CFTR: variants seen among roughly 807,000 people sequenced by gnomAD.
CFTR encodes CF transmembrane conductance regulator, also known as cystic fibrosis transmembrane conductance regulator.
Under a neutral mutation model 171.6 loss-of-function variants are expected in CFTR, and 181 were observed. The observed-to-expected ratio is 1.05, with a 90% CI of 0.93 to 1.19. CFTR has a LOEUF of 1.19. Ranked by LOEUF, CFTR falls within the 50% of genes most tolerant of loss-of-function variation. The pLI is 0.00. For missense variants in CFTR, 1,968 were observed against 1,734.7 expected (o/e 1.13, Z -2.39); for synonymous variants, 583 against 608.0 (o/e 0.96, Z 0.60).
At position 117,611,766 on chromosome 7, in the gene CFTR, A is replaced by G. The variant is rs759394109; in HGVS notation, c.3325A>G (p.Ile1109Val). Residue 1109 changes from isoleucine to valine, a missense_variant, in exon 20 of 27, where the codon ATC (isoleucine) becomes GTC (valine). Physicochemically the swap from Ile to Val is conservative, Grantham distance 29. Coordinates refer to ENST00000003084, the MANE Select transcript of CFTR (RefSeq NM_000492.4). ...FQMRIEMIFV[I>V]FFIAVTFISI... is the part of the protein sequence containing the mutation. ...AATGAGAATAGAAATGATTTTTGTC[A>G]TCTTCTTCATTGCTGTTACCTTCAT... 1.9e-6 allele frequency: 3 copies of G among 1,613,218 alleles called. No homozygotes were observed. Among genetic ancestry groups the G allele is most frequent in the African/African-American group, 2.7e-5 (2 of 74,844 alleles).
intron 11 of CFTR, among the ~76,000 whole-genome samples, chr7:117,584,439 C>T (rs1335692276): frequency 6.6e-6 from 1 of 152,132 alleles, no homozygotes; most frequent in Non-Finnish European, 1.5e-5. Context: ...ATCCTGTCCC[C>T]ACTTTATGTT....
intron 14 of CFTR, among the ~76,000 whole-genome samples, chr7:117,593,685 T>A (rs976642634): frequency 2.0e-5 from 3 of 152,164 alleles, no homozygotes; most frequent in African/African-American, 7.2e-5. Context: ...AACCTCTGCC[T>A]CCTGGGTTCA....
intron 21 of CFTR, among the ~76,000 whole-genome samples, chr7:117,618,794 C>T (rs1470459990): frequency 6.6e-6 from 1 of 152,128 alleles, no homozygotes; most frequent in Non-Finnish European, 1.5e-5. Flanking sequence ...AAAAAGTCAT[C>T]TGAACATTGT....
intron 24 of CFTR, among the ~76,000 whole-genome samples, chr7:117,653,222 CT>C (rs1454179688): frequency 4.6e-5 from 7 of 152,174 alleles, no homozygotes; most frequent in Non-Finnish European, 8.8e-5. Flanking sequence ...ATGGAGTACC[CT>C]AAAATACCTG....
chr7:117,611,011 C>G (rs958228405), intron 19 of CFTR, among the ~76,000 whole-genome samples: 8 of 152,052 alleles, frequency 5.3e-5, no homozygotes, highest in African/African-American at 1.9e-4. Flanking sequence ...TCTGGGTTCC[C>G]AAATGATACT....
At position 117,637,674 on chromosome 7, in the gene CFTR, C is replaced by T. The variant is rs371729144; in HGVS notation, c.3718-4764C>T. On this transcript the variant is annotated intron_variant, in intron 22 of 26. Transcript: ENST00000003084. Reference sequence around the variant, plus strand: ...GGTGGATCACCTGAGGTCAGGAGTTCGAGACCAGCCTGGCCAACATGGTGA... The same window carrying T: ...GGTGGATCACCTGAGGTCAGGAGTTTGAGACCAGCCTGGCCAACATGGTGA... 2.0e-4 allele frequency among the ~76,000 whole-genome samples: 31 copies of T among 152,104 alleles called. No individual in the cohort carries two copies. In the South Asian group the frequency reaches 2.3e-3, roughly 11 times the overall value.
chr7:117,582,972 T>C (rs1043466876), intron 11 of CFTR, among the ~76,000 whole-genome samples: 1 of 152,140 alleles, frequency 6.6e-6, no homozygotes, highest in Non-Finnish European at 1.5e-5. Context: ...CTTATTCATA[T>C]GGGAAAGAAG....
At chr7:117,617,599 A>G (rs1189696704) in intron 21 of CFTR, among the ~76,000 whole-genome samples, 1 of 151,918 alleles carries the variant, frequency 6.6e-6, no homozygotes, top group African/African-American at 2.4e-5. Context: ...TAAAAAAAAA[A>G]ATTGATGCAA....
chr7:117,506,402 A>G (rs1208738255), intron 2 of CFTR, among the ~76,000 whole-genome samples: 1 of 152,030 alleles, frequency 6.6e-6, no homozygotes, highest in Non-Finnish European at 1.5e-5. Context: ...ACTCGCCACA[A>G]TGCCTGGCTA....
At chr7:117,646,553 T>TTAA (rs1158008751) in intron 23 of CFTR, among the ~76,000 whole-genome samples, 1 of 151,986 alleles carries the variant, frequency 6.6e-6, no homozygotes, top group Non-Finnish European at 1.5e-5. Context: ...GAAAAAGAAG[T>TTAA]TAATACTTGA....
Position 117,606,628 on chromosome 7 carries a change from A to T in CFTR, c.2909-46A>T, listed in dbSNP as rs780693450. 2.5e-5 allele frequency: 26 copies of T among 1,031,294 alleles called. No individual in the cohort carries two copies. In the East Asian group the frequency reaches 4.0e-4, roughly 16 times the overall value. 63.9% of individuals were successfully genotyped at this position (1,031,294 alleles called of 1,614,324 possible). On this transcript the variant is annotated intron_variant, in intron 17 of 26. Coordinates refer to ENST00000003084, the MANE Select transcript of CFTR (RefSeq NM_000492.4). The stretch of plus-strand genomic sequence containing the variant: ...GTATTGAATATATTGATATATCTTT[A>T]AAAAATTAGTGTTTTTTGAGGAATT...
intron 12 of CFTR, among the ~76,000 whole-genome samples, 153 bp from the exon 13 acceptor site, chr7:117,590,200 C>T (rs1211131899): frequency 6.6e-6 from 1 of 151,946 alleles, no homozygotes; most frequent in Non-Finnish European, 1.5e-5. Flanking sequence ...AAAAGTGCTA[C>T]TTCTGCACCA....
chr7:117,489,222 A>G (rs1038639487), intron 1 of CFTR, among the ~76,000 whole-genome samples: 3 of 152,126 alleles, frequency 2.0e-5, no homozygotes, highest in Non-Finnish European at 4.4e-5. Context: ...CTGTAACTCT[A>G]TTCATAGCTC....
intron 17 of CFTR, 67 bp from the exon 18 acceptor site, chr7:117,606,607 T>G: frequency 1.2e-6 from 1 of 859,758 alleles, no homozygotes; most frequent in East Asian, 2.4e-5. Context: ...AACTTAGTAT[T>G]GAATATATTG....
chr7:117,632,664 TG>T (rs893349700), intron 22 of CFTR, among the ~76,000 whole-genome samples: 1 of 151,952 alleles, frequency 6.6e-6, no homozygotes, highest in Non-Finnish European at 1.5e-5. Context: ...GGTTAGGGAA[TG>T]GGTGGTTACT....
intron 17 of CFTR, among the ~76,000 whole-genome samples, chr7:117,604,583 G>A (rs928130116): frequency 6.6e-6 from 1 of 152,112 alleles, no homozygotes; most frequent in Non-Finnish European, 1.5e-5. Context: ...TAAATTCCAA[G>A]ACTAAAATTT....
chr7:117,641,646 T>G (rs1792915532), intron 22 of CFTR, among the ~76,000 whole-genome samples: 1 of 152,168 alleles, frequency 6.6e-6, no homozygotes, highest in Non-Finnish European at 1.5e-5. Flanking sequence ...TTCTGGCATC[T>G]AAGCTGACAT....
intron 24 of CFTR, among the ~76,000 whole-genome samples, chr7:117,661,244 A>G (rs982027962): frequency 6.6e-6 from 1 of 152,210 alleles, no homozygotes; most frequent in Non-Finnish European, 1.5e-5. Context: ...GCTTTTTACT[A>G]TACTTCACAG....
chr7:117,603,995 G>A lies in CFTR; in HGVS notation c.2908+213G>A, dbSNP rs117874995. Among the ~76,000 whole-genome samples the A allele has an allele frequency of 4.1e-4, 63 of 152,294 alleles. No homozygotes were observed. In the East Asian group the frequency reaches 0.012, roughly 28 times the overall value. On this transcript the variant is annotated intron_variant, in intron 17 of 26. Transcript: ENST00000003084. ...CTGTGTTAGATAATTAGAGTAGCTT[G>A]GTTTGTAAGAATGTGATGTTGGTGG...
Sources: allele counts gnomAD v4.1 joint callset (sites outside exome capture counted in the v4.1 genomes callset), GRCh38; gene constraint gnomAD v4.1.1; transcripts MANE v1.5; gene names NCBI Gene and HGNC (gene_info 2026-07-23, HGNC 2026-07-21).